Variants in PDE3B observed in about 807,000 individuals in gnomAD.
PDE3B encodes cGMP-inhibited 3',5'-cyclic phosphodiesterase 3B.
PDE3B carries 66 observed loss-of-function variants against 116.8 expected under a neutral mutation model. The ratio of observed to expected loss-of-function variants is 0.56; its 90% CI spans 0.46 to 0.69. PDE3B has a LOEUF of 0.69. PDE3B is among the 30% of genes least tolerant of loss of function. PDE3B has a pLI of 0.00. For missense variants in PDE3B, 1,384 were observed against 1,368.1 expected (o/e 1.01, Z -0.18); for synonymous variants, 595 against 533.6 (o/e 1.12, Z -1.59).
At position 14,643,973 on chromosome 11, in the gene PDE3B, C is replaced by A. The variant is rs1853271947; in HGVS notation, c.-103C>A. 7.3e-7 allele frequency: 1 copy of A among 1,372,828 alleles called. No homozygotes were observed. The allele number at this position is 1,372,828 out of a possible 1,614,324, so 85.0% of individuals were successfully genotyped here. A position where few individuals can be genotyped will look rare whatever the true frequency, so the allele number is the denominator to read the frequency against. ...CGGCGCAGCCCTGACGGGTTGCGAA[C>A]CAGGGGGCGCCCCGAACGCGGGGGT... is the stretch of plus-strand genomic sequence containing the variant. On this transcript the variant is annotated 5_prime_UTR_variant, in exon 1 of 16. Coordinates refer to ENST00000282096, the MANE Select transcript of PDE3B (RefSeq NM_000922.4).
At chr11:14,889,657 G>C in the PDE3B span, among the ~76,000 whole-genome samples, 1 of 152,122 alleles carries the variant, frequency 6.6e-6, no homozygotes, top group South Asian at 2.1e-4. Context: ...AACTATGATA[G>C]GGGACTTAGA....
At chr11:14,810,131 A>G (rs1751337429) in intron 5 of PDE3B, among the ~76,000 whole-genome samples, 1 of 148,816 alleles carries the variant, frequency 6.7e-6, no homozygotes. Flanking sequence ...ATATTTTCTA[A>G]TAATAAAACC....
At chr11:14,732,858 G>C (rs1290286129) in intron 1 of PDE3B, among the ~76,000 whole-genome samples, 1 of 152,180 alleles carries the variant, frequency 6.6e-6, no homozygotes, top group Non-Finnish European at 1.5e-5. Flanking sequence ...AGAGTCAACT[G>C]TGTATCAGGT....
At chr11:14,740,693 T>C (rs1249317723) in intron 1 of PDE3B, among the ~76,000 whole-genome samples, 1 of 152,238 alleles carries the variant, frequency 6.6e-6, no homozygotes, top group African/African-American at 2.4e-5. Context: ...ATTGTGATGT[T>C]AGTGCATCGA....
At chr11:14,785,837 A>T (rs1033965607) in intron 2 of PDE3B, among the ~76,000 whole-genome samples, 8 of 151,914 alleles carry the variant, frequency 5.3e-5, no homozygotes, top group Non-Finnish European at 1.0e-4. Flanking sequence ...CTTTATTTTT[A>T]TCTCATCATT....
At chr11:14,662,195 C>G (rs984336723) in intron 1 of PDE3B, among the ~76,000 whole-genome samples, 4 of 152,330 alleles carry the variant, frequency 2.6e-5, no homozygotes, top group Admixed American at 2.6e-4. Context: ...CCCAGGCAAA[C>G]AGGGTCTGGA....
At chr11:14,878,111 C>A in the PDE3B span, 10 of 1,612,736 alleles carry the variant, frequency 6.2e-6, no homozygotes, top group African/African-American at 2.7e-5. Flanking sequence ...CCGAAAACAT[C>A]CCAGGCAGTT....
At chr11:14,880,556 T>A in the PDE3B span, 1 of 1,613,466 alleles carries the variant, frequency 6.2e-7, no homozygotes, top group Non-Finnish European at 8.5e-7. Flanking sequence ...CCAAAAATGA[T>A]CAGATTGGTT....
chr11:14,891,091 A>G, the PDE3B span: 1 of 985,432 alleles, frequency 1.0e-6, no homozygotes. Context: ...AAAACAAAAC[A>G]GGTGAGCTCT....
intron 12 of PDE3B, among the ~76,000 whole-genome samples, chr11:14,847,059 T>A (rs369849506): frequency 6.6e-6 from 1 of 151,938 alleles, no homozygotes; most frequent in Non-Finnish European, 1.5e-5. Context: ...ACCAGACCAC[T>A]CCTATTCCAA....
chr11:14,806,150 C>G (rs1858912423), intron 5 of PDE3B, among the ~76,000 whole-genome samples: 1 of 152,056 alleles, frequency 6.6e-6, no homozygotes, highest in East Asian at 1.9e-4. Flanking sequence ...GGGTATATAC[C>G]CAAAGGATTG....
At position 14,870,418 on chromosome 11, in the gene PDE3B, C is replaced by T. The variant is rs1848124020; in HGVS notation, c.*758C>T. The T allele has an allele frequency of 6.6e-6, 1 of 152,544 alleles. No homozygotes were observed. The highest frequency in any genetic ancestry group is 1.5e-5 in the Non-Finnish European group (1 of 68,020). 9.4% of individuals were successfully genotyped at this position (152,544 alleles called of 1,614,324 possible). ...GAATTTTAAAGCTGTTTAGGTTTAA[C>T]AATGAAGGGATTTATTCTTTAGTCA... On this transcript the variant is annotated 3_prime_UTR_variant, in exon 16 of 16. Transcript: ENST00000282096. This position sits in a 1 kb window ranked among gnomAD's most constrained non-coding sequence, Gnocchi z 4.1.
At chr11:14,893,846 T>TAGTGAATCCCTAGTGAA in the PDE3B span, among the ~76,000 whole-genome samples, 1 of 152,176 alleles carries the variant, frequency 6.6e-6, no homozygotes, top group African/African-American at 2.4e-5. Context: ...TATTCACAGT[T>TAGTGAATCCCTAGTGAA]CTAGGGATTA....
At position 14,657,270 on chromosome 11, in the gene PDE3B, C is replaced by CT. The variant is rs1338701384; in HGVS notation, c.978+12218dup. Among the ~76,000 whole-genome samples, 7 of 152,174 alleles carry CT rather than the reference C, an allele frequency of 4.6e-5. No homozygotes were observed. In the East Asian group the frequency reaches 1.3e-3, roughly 29 times the overall value. ...AAGCATGTTGATAACTATGCAGCAC[C>CT]TCCCCAGGAATGGTAAGAGGGAGAT... On this transcript the variant is annotated intron_variant, in intron 1 of 15. Coordinates refer to ENST00000282096, the MANE Select transcript of PDE3B (RefSeq NM_000922.4).
chr11:14,662,052 A>AC (rs1368173444), intron 1 of PDE3B, among the ~76,000 whole-genome samples: 2 of 152,012 alleles, frequency 1.3e-5, no homozygotes, highest in Admixed American at 6.6e-5. Context: ...ACTGGGAGGC[A>AC]CCCCCAAGTA....
At chr11:14,773,204 A>G (rs917621330) in intron 2 of PDE3B, 1 of 152,058 alleles carries the variant, frequency 6.6e-6, no homozygotes, top group South Asian at 2.1e-4. Flanking sequence ...CTTTTTCTGC[A>G]TCTATTCAAA....
intron 2 of PDE3B, among the ~76,000 whole-genome samples, chr11:14,782,375 G>C (rs183517695): frequency 6.6e-6 from 1 of 152,292 alleles, no homozygotes; most frequent in East Asian, 1.9e-4. Context: ...CAAGCCTACA[G>C]TAACCAAAAC....
intron 1 of PDE3B, among the ~76,000 whole-genome samples, chr11:14,770,023 CA>C (rs1857594165): frequency 6.6e-6 from 1 of 151,348 alleles, no homozygotes; most frequent in Non-Finnish European, 1.5e-5. Flanking sequence ...AGCCAGAAAT[CA>C]ACTTCTACTT....
At chr11:14,660,139 C>T in intron 1 of PDE3B, among the ~76,000 whole-genome samples, 1 of 152,138 alleles carries the variant, frequency 6.6e-6, no homozygotes, top group East Asian at 1.9e-4. Flanking sequence ...CCCTAAGAGC[C>T]ATTCTGGAAG....
Sources: gnomAD v4.1 joint callset for allele counts (sites outside exome capture counted in the v4.1 genomes callset) on GRCh38, gnomAD v4.1.1 for gene constraint, Gnocchi (gnomAD v3.1) non-coding constraint, MANE v1.5 for transcripts, NCBI Gene and HGNC (gene_info 2026-07-23, HGNC 2026-07-21) for gene names.